The following ADAMTS19 variants were observed in gnomAD, a reference collection of about 807,000 sequenced individuals.
ADAMTS19 encodes the protein ADAM metallopeptidase with thrombospondin type 1 motif 19.
A neutral mutation model predicts 153.3 loss-of-function variants in ADAMTS19; 93 were observed. The observed-to-expected ratio is 0.61, with a 90% CI of 0.51 to 0.72. ADAMTS19 has a LOEUF of 0.72. Ranked by LOEUF, ADAMTS19 falls within the 30% of genes least tolerant of loss-of-function variation. The pLI is 0.00. For missense variants in ADAMTS19, 1,482 were observed against 1,552.1 expected, an observed-to-expected ratio of 0.95 and a Z score of 0.76; for synonymous variants, 600 against 556.6, an observed-to-expected ratio of 1.08 and a Z score of -1.10.
chr5:129,573,302 C>G (rs920446087), intron 7 of ADAMTS19, among the ~76,000 whole-genome samples: 1 of 152,026 alleles, frequency 6.6e-6, no homozygotes, highest in Admixed American at 6.6e-5. Context: ...GCTATTTCTT[C>G]GTTGTTCCTT....
At chr5:129,692,399 T>C (rs1026085336) in intron 18 of ADAMTS19, among the ~76,000 whole-genome samples, 2 of 152,144 alleles carry the variant, frequency 1.3e-5, no homozygotes, top group Admixed American at 6.6e-5. Context: ...GAAAATTATT[T>C]GAAGTTGTTG....
intron 3 of ADAMTS19, among the ~76,000 whole-genome samples, chr5:129,519,293 G>T (rs1751711578): frequency 6.6e-6 from 1 of 152,072 alleles, no homozygotes; most frequent in Non-Finnish European, 1.5e-5. Context: ...CTGGAATGGA[G>T]GCCTCACAAC....
chr5:129,598,953 T>C (rs1214386499), intron 8 of ADAMTS19, among the ~76,000 whole-genome samples: 1 of 152,058 alleles, frequency 6.6e-6, no homozygotes, highest in Non-Finnish European at 1.5e-5. Context: ...GTTTAGTTTT[T>C]AAAAAATTGC....
At position 129,583,503 on chromosome 5, in the gene ADAMTS19, G is replaced by A. The variant is rs55665693; in HGVS notation, c.1373-13056G>A. On this transcript the variant is annotated intron_variant, in intron 7 of 22. Transcript: ENST00000274487. Reference sequence around the variant, plus strand: ...TCTCCTGGATAATATCCTGAAGAGCGTTTTCCAAGTTGGTCCCATTCTCCC... The same window carrying A: ...TCTCCTGGATAATATCCTGAAGAGCATTTTCCAAGTTGGTCCCATTCTCCC... Among the ~76,000 whole-genome samples the A allele has an allele frequency of 8.3e-3, 1,256 of 152,076 alleles. 10 individuals carry two copies. Among genetic ancestry groups the A allele is most frequent in the Non-Finnish European group, 0.014 (948 of 68,002 alleles).
chr5:129,572,810 T>A (rs1391993889), intron 7 of ADAMTS19, among the ~76,000 whole-genome samples: 2 of 151,954 alleles, frequency 1.3e-5, no homozygotes, highest in Non-Finnish European at 2.9e-5. Flanking sequence ...TGGGGTGTGA[T>A]GGAAATGTTC....
intron 7 of ADAMTS19, among the ~76,000 whole-genome samples, chr5:129,564,787 G>T (rs1270326782): frequency 1.3e-5 from 2 of 152,148 alleles, no homozygotes; most frequent in African/African-American, 4.8e-5. Context: ...TTTGGATGGT[G>T]CCAGCTTGGA....
chr5:129,602,100 T>C (rs958435000), intron 8 of ADAMTS19, among the ~76,000 whole-genome samples: 1 of 152,230 alleles, frequency 6.6e-6, no homozygotes, highest in Non-Finnish European at 1.5e-5. Flanking sequence ...AATTTTATTT[T>C]ATTTTTTTTG....
intron 22 of ADAMTS19, among the ~76,000 whole-genome samples, chr5:129,736,346 A>G (rs1757664828): frequency 6.6e-6 from 1 of 152,114 alleles, no homozygotes; most frequent in African/African-American, 2.4e-5. Context: ...GTTTAAAAAT[A>G]GAATAATTAT....
Position 129,538,945 on chromosome 5 carries a change from C to G in ADAMTS19, c.1328+10268C>G, listed in dbSNP as rs529869260. On this transcript the variant is annotated intron_variant, in intron 6 of 22. Coordinates refer to ENST00000274487, the MANE Select transcript of ADAMTS19 (RefSeq NM_133638.6). ...GTTTACATAGTAAATTAACTTTTAC[C>G]AACTTCTACTCTGCTCTCCAACCCT... Among the ~76,000 whole-genome samples the G allele has an allele frequency of 4.6e-5, 7 of 152,022 alleles. No homozygotes were observed. The South Asian group carries it at 1.2e-3, about 27-fold the overall frequency.
At chr5:129,622,370 T>C (rs1561609185) in intron 10 of ADAMTS19, 22 bp downstream of exon 10, 3 of 1,613,582 alleles carry the variant, frequency 1.9e-6, no homozygotes, top group Non-Finnish European at 8.5e-7. Flanking sequence ...GGTGGGGATT[T>C]TGTGCGTTCA....
intron 16 of ADAMTS19, among the ~76,000 whole-genome samples, chr5:129,677,895 C>T (rs559229574): frequency 1.3e-5 from 2 of 152,254 alleles, no homozygotes; most frequent in Non-Finnish European, 2.9e-5. Context: ...TCACTGCAAC[C>T]TCCACCTCCT....
chr5:129,537,758 A>G (rs1752503272), intron 6 of ADAMTS19, among the ~76,000 whole-genome samples: 1 of 151,772 alleles, frequency 6.6e-6, no homozygotes, highest in Admixed American at 6.6e-5. Flanking sequence ...GGGGAACATC[A>G]CACACTGGGG....
chr5:129,537,358 G>A (rs1473445061), intron 6 of ADAMTS19, among the ~76,000 whole-genome samples: 2 of 152,192 alleles, frequency 1.3e-5, no homozygotes, highest in South Asian at 2.1e-4. Context: ...CATTGTGGAA[G>A]TCGGTGTTGC....
intron 3 of ADAMTS19, 126 bp from the exon 4 acceptor site, chr5:129,526,158 C>A: frequency 1.4e-6 from 1 of 733,998 alleles, no homozygotes; most frequent in Non-Finnish European, 2.0e-6. Context: ...TATTTCAAAG[C>A]CAAATGCCCT....
chr5:129,690,312 G>T (rs78223342), intron 18 of ADAMTS19, among the ~76,000 whole-genome samples: 181 of 152,338 alleles, frequency 1.2e-3, no homozygotes, highest in African/African-American at 4.3e-3. Context: ...AAGTGAAAAT[G>T]TTATTACTAT....
rs1328179501 is a variant in ADAMTS19, at chr5:129,548,246, A to G, written c.1329-3618A>G. Among the ~76,000 whole-genome samples the G allele has an allele frequency of 3.7e-3, 560 of 149,924 alleles. 34 individuals carry two copies. The highest frequency in any genetic ancestry group is 0.013 in the African/African-American group (533 of 39,688). ...CATCAGAGTGAACAGGCAACCTACA[A>G]AATGGGAGAAAATTTTCACAACCTA... On this transcript the variant is annotated intron_variant, in intron 6 of 22. Transcript: ENST00000274487.
At chr5:129,592,096 A>G (rs1750164061) in intron 7 of ADAMTS19, among the ~76,000 whole-genome samples, 1 of 151,912 alleles carries the variant, frequency 6.6e-6, no homozygotes, top group Admixed American at 6.6e-5. Flanking sequence ...AAAAAAATTG[A>G]GCTGGGTGCA....
chr5:129,579,923 T>G (rs1433197183), intron 7 of ADAMTS19, among the ~76,000 whole-genome samples: 1 of 152,210 alleles, frequency 6.6e-6, no homozygotes, highest in Non-Finnish European at 1.5e-5. Flanking sequence ...ATACGGGCTC[T>G]TTTTTGGCTC....
intron 19 of ADAMTS19, among the ~76,000 whole-genome samples, chr5:129,698,496 A>G (rs891206927): frequency 3.0e-4 from 45 of 152,194 alleles, no homozygotes; most frequent in Admixed American, 2.7e-3. Flanking sequence ...AAGGTCTCTT[A>G]AAGATAAGGA....
Sources: allele counts gnomAD v4.1 joint callset (sites outside exome capture counted in the v4.1 genomes callset), GRCh38; gene constraint gnomAD v4.1.1; transcripts MANE v1.5; gene names NCBI Gene and HGNC (gene_info 2026-07-23, HGNC 2026-07-21).